Variants in GPC5 observed in about 807,000 individuals in gnomAD.
GPC5 encodes glypican-5.
GPC5 carries 47 observed loss-of-function variants against 53.9 expected under a neutral mutation model. That is an observed-to-expected ratio of 0.87 (90% CI 0.69 to 1.11). GPC5 has a LOEUF of 1.11. GPC5 is among the 50% of genes most tolerant of loss of function. The pLI is 0.00. For missense variants in GPC5, 748 were observed against 713.1 expected, an observed-to-expected ratio of 1.05 and a Z score of -0.56; for synonymous variants, 286 against 263.3, an observed-to-expected ratio of 1.09 and a Z score of -0.84.
intron 7 of GPC5, among the ~76,000 whole-genome samples, chr13:92,540,066 C>T (rs1393068514): frequency 2.6e-5 from 4 of 151,836 alleles, no homozygotes; most frequent in African/African-American, 7.3e-5. Flanking sequence ...TTTTCATATT[C>T]ATTATGTGAC....
At chr13:92,260,265 A>G (rs1461057157) in intron 7 of GPC5, among the ~76,000 whole-genome samples, 2 of 152,170 alleles carry the variant, frequency 1.3e-5, no homozygotes, top group African/African-American at 2.4e-5. Flanking sequence ...CAAATCTCCA[A>G]AAACCTAATG....
intron 7 of GPC5, among the ~76,000 whole-genome samples, chr13:92,352,376 AATTAT>A (rs1245983300): frequency 6.6e-6 from 1 of 152,222 alleles, no homozygotes; most frequent in Non-Finnish European, 1.5e-5. Context: ...TGTTGTGTTT[AATTAT>A]ATTAAGAGAA....
chr13:92,450,381 A>G (rs1397036986), intron 7 of GPC5, among the ~76,000 whole-genome samples: 1 of 152,218 alleles, frequency 6.6e-6, no homozygotes, highest in Non-Finnish European at 1.5e-5. Context: ...TATGTCTCAT[A>G]CATAACTTAT....
chr13:92,116,594 A>C (rs78113509), intron 6 of GPC5, among the ~76,000 whole-genome samples: 1 of 152,352 alleles, frequency 6.6e-6, no homozygotes, highest in African/African-American at 2.4e-5. Flanking sequence ...TGGGATTGTC[A>C]TATAAACAAT....
intron 7 of GPC5, among the ~76,000 whole-genome samples, chr13:92,617,282 C>A (rs1396001158): frequency 6.6e-6 from 1 of 152,188 alleles, no homozygotes; most frequent in Non-Finnish European, 1.5e-5. Context: ...AGAAATCATG[C>A]TCTGTGTAGA....
At chr13:92,854,310 G>T (rs985736547) in intron 7 of GPC5, among the ~76,000 whole-genome samples, 3 of 146,316 alleles carry the variant, frequency 2.1e-5, no homozygotes, top group African/African-American at 7.4e-5. Flanking sequence ...TATATTTATT[G>T]AATATATATA....
chr13:92,682,500 T>C (rs1887141341), intron 7 of GPC5, among the ~76,000 whole-genome samples: 1 of 152,186 alleles, frequency 6.6e-6, no homozygotes, highest in Non-Finnish European at 1.5e-5. Context: ...GAAATATAGA[T>C]TTAAGGATTT....
intron 2 of GPC5, among the ~76,000 whole-genome samples, chr13:91,515,409 C>T (rs915947568): frequency 6.6e-6 from 1 of 152,050 alleles, no homozygotes; most frequent in Non-Finnish European, 1.5e-5. Flanking sequence ...CTACTTTGTG[C>T]CAGGCATCTT....
intron 7 of GPC5, among the ~76,000 whole-genome samples, chr13:92,697,826 G>A (rs1055744059): frequency 2.6e-5 from 4 of 152,202 alleles, no homozygotes; most frequent in Non-Finnish European, 4.4e-5. Context: ...GATACTGGAT[G>A]TGGGTTTGTC....
In GPC5 at chr13:91,686,071, T is replaced by C. The variant is rs151076797; in HGVS notation, c.326-7116T>C. On this transcript the variant is annotated intron_variant, in intron 2 of 7. Coordinates refer to ENST00000377067, the MANE Select transcript of GPC5 (RefSeq NM_004466.6). ...TGTAGTTCTAGATTGTGTTTCTGAG[T>C]TTAAAGATTATTAGAAAATTTGATT... 5.3e-3 allele frequency among the ~76,000 whole-genome samples: 802 copies of C among 152,166 alleles called. 13 individuals are homozygous for C. The highest frequency in any genetic ancestry group is 0.035 in the South Asian group (168 of 4,818).
intron 5 of GPC5, among the ~76,000 whole-genome samples, chr13:91,807,634 G>A (rs1411888899): frequency 1.3e-5 from 2 of 152,010 alleles, no homozygotes; most frequent in African/African-American, 2.4e-5. Context: ...ACTTAATTAC[G>A]GGTGATAATA....
intron 2 of GPC5, among the ~76,000 whole-genome samples, chr13:91,479,649 T>G (rs1010419694): frequency 6.6e-6 from 1 of 152,196 alleles, no homozygotes; most frequent in Non-Finnish European, 1.5e-5. Flanking sequence ...TTTTGGCTTC[T>G]TGGTAGGAAA....
intron 5 of GPC5, among the ~76,000 whole-genome samples, chr13:91,858,868 C>T (rs7985212): frequency 0.19 from 28,752 of 151,584 alleles, 3,033 homozygotes; most frequent in East Asian, 0.31. Context: ...ATTTCTTCAT[C>T]GTTCATTCTT....
At chr13:91,733,736 G>T (rs1470397884) in intron 4 of GPC5, among the ~76,000 whole-genome samples, 2 of 152,152 alleles carry the variant, frequency 1.3e-5, no homozygotes, top group Non-Finnish European at 2.9e-5. Context: ...AGGCTGAAAT[G>T]ATGGGGTTTT....
At chr13:92,111,108 G>A (rs1207763886) in intron 6 of GPC5, among the ~76,000 whole-genome samples, 1 of 152,080 alleles carries the variant, frequency 6.6e-6, no homozygotes, top group East Asian at 1.9e-4. Flanking sequence ...TAATAAATAA[G>A]GGGTCAGGAT....
At chr13:92,151,485 T>A (rs960684200) in intron 7 of GPC5, among the ~76,000 whole-genome samples, 2 of 152,192 alleles carry the variant, frequency 1.3e-5, no homozygotes, top group African/African-American at 4.8e-5. Flanking sequence ...ATTAGCATTA[T>A]AAGAAGGCAT....
chr13:92,215,276 A>G (rs1056918478), intron 7 of GPC5, among the ~76,000 whole-genome samples: 6 of 152,200 alleles, frequency 3.9e-5, no homozygotes, highest in East Asian at 1.9e-4. Context: ...TATTTTTCCT[A>G]TCAACATTTA....
Position 91,631,886 on chromosome 13 carries a change from T to A in GPC5, c.326-61301T>A, listed in dbSNP as rs561310133. Among the ~76,000 whole-genome samples the A allele has an allele frequency of 3.3e-5, 5 of 152,184 alleles. No individual in the cohort carries two copies. In the South Asian group the frequency reaches 8.3e-4, roughly 25 times the overall value. ...GAACTTGACAACTTAGAGAACCACC[T>A]GGAGAGATAGGAAAGGGAGTTGAGA... On this transcript the variant is annotated intron_variant, in intron 2 of 7. Coordinates refer to ENST00000377067, the MANE Select transcript of GPC5 (RefSeq NM_004466.6).
chr13:92,478,086 C>A (rs1165348551), intron 7 of GPC5, among the ~76,000 whole-genome samples: 3 of 152,108 alleles, frequency 2.0e-5, no homozygotes, highest in Admixed American at 6.6e-5. Context: ...CATTTAGCTG[C>A]AATTTGCTTT....
Sources: gnomAD v4.1 joint callset for allele counts (sites outside exome capture counted in the v4.1 genomes callset) on GRCh38, gnomAD v4.1.1 for gene constraint, MANE v1.5 for transcripts, NCBI Gene and HGNC (gene_info 2026-07-23, HGNC 2026-07-21) for gene names.